Variants in ELMOD2 observed in about 807,000 individuals in gnomAD.
ELMOD2 encodes the protein ELMO domain-containing protein 2.
Under a neutral mutation model 41.0 loss-of-function variants are expected in ELMOD2, and 28 were observed. The observed-to-expected ratio is 0.68, with a 90% CI of 0.51 to 0.94. ELMOD2 has a LOEUF of 0.94. Ranked by LOEUF, ELMOD2 falls within the 40% of genes least tolerant of loss-of-function variation. ELMOD2 has a pLI of 0.00. For missense variants in ELMOD2, 333 were observed against 343.1 expected (o/e 0.97, Z 0.23); for synonymous variants, 106 against 107.2 (o/e 0.99, Z 0.07).
intron 7 of ELMOD2, 129 bp from the exon 8 acceptor site, chr4:140,543,324 T>C: frequency 1.0e-6 from 1 of 1,003,812 alleles, no homozygotes; most frequent in Non-Finnish European, 1.4e-6. Flanking sequence ...TTTCTTACCA[T>C]GTAGAGATTA....
chr4:140,541,908 GGA>G (rs1735116615), intron 6 of ELMOD2, among the ~76,000 whole-genome samples: 1 of 151,930 alleles, frequency 6.6e-6, no homozygotes, highest in Admixed American at 6.6e-5. Context: ...AATAAACCAT[GGA>G]CATTTATTTT....
In ELMOD2 at chr4:140,551,852, A is replaced by G. The variant is rs1735478331; in HGVS notation, c.*1477A>G. 6.6e-6 allele frequency: 1 copy of G among 152,050 alleles called. No individual in the cohort carries two copies. Among genetic ancestry groups the G allele is most frequent in the Non-Finnish European group, 1.5e-5 (1 of 67,924 alleles). 9.4% of individuals were successfully genotyped at this position (152,050 alleles called of 1,614,324 possible). On this transcript the variant is annotated 3_prime_UTR_variant, in exon 9 of 9. Coordinates refer to ENST00000323570, the MANE Select transcript of ELMOD2 (RefSeq NM_153702.4). Reference sequence around the variant, plus strand: ...CATATCCAATTGGAAAATAAGATGCAGTGTTGTATAGCACATACATTTAAA... The same window carrying G: ...CATATCCAATTGGAAAATAAGATGCGGTGTTGTATAGCACATACATTTAAA...
chr4:140,540,143 T>C (rs368243477), intron 5 of ELMOD2, 25 bp from the exon 6 acceptor site: 38 of 1,607,080 alleles, frequency 2.4e-5, no homozygotes, highest in Non-Finnish European at 3.1e-5. Flanking sequence ...GAAAATGTCT[T>C]AATAATGGAA....
intron 6 of ELMOD2, 40 bp downstream of exon 6, chr4:140,540,341 T>A: frequency 6.2e-7 from 1 of 1,606,444 alleles, no homozygotes; most frequent in East Asian, 2.2e-5. Context: ...CTAAATGAAA[T>A]TACATTTAAT....
intron 1 of ELMOD2, chr4:140,525,156 G>A: frequency 3.6e-6 from 1 of 279,030 alleles, no homozygotes; most frequent in Non-Finnish European, 6.7e-6. Flanking sequence ...AAACCATTCT[G>A]TTACTCTTTC....
intron 2 of ELMOD2, 25 bp from the exon 3 acceptor site, chr4:140,527,441 C>G: frequency 7.6e-7 from 1 of 1,310,396 alleles, no homozygotes; most frequent in Non-Finnish European, 1.0e-6. Context: ...GTGATAACAT[C>G]TTTTTTTTTT....
chr4:140,536,421 G>T (rs758727419), intron 4 of ELMOD2, among the ~76,000 whole-genome samples: 3 of 152,102 alleles, frequency 2.0e-5, no homozygotes, highest in Non-Finnish European at 4.4e-5. Context: ...CTGAGATGAG[G>T]AACGGTCTAG....
intron 6 of ELMOD2, among the ~76,000 whole-genome samples, chr4:140,541,903 A>G (rs1735116345): frequency 6.6e-6 from 1 of 151,978 alleles, no homozygotes; most frequent in Non-Finnish European, 1.5e-5. Context: ...ATGTAAATAA[A>G]CCATGGACAT....
rs376137768 is a variant in ELMOD2, at chr4:140,550,417, T to C, written c.*42T>C. The C allele has an allele frequency of 9.7e-5, 149 of 1,539,554 alleles. No homozygotes were observed. The African/African-American group carries it at 1.8e-3, about 18-fold the overall frequency. On this transcript the variant is annotated 3_prime_UTR_variant, in exon 9 of 9. Transcript: ENST00000323570. ...TCTATTTCTACCACATTTTGCACAT[T>C]CAACAGAATTTATATGTTGTAATAG...
chr4:140,550,359 T>G lies in ELMOD2; in HGVS notation c.866T>G (p.Leu289Arg). 6.2e-7 allele frequency: 1 copy of G among 1,604,296 alleles called. No individual in the cohort carries two copies. Among genetic ancestry groups the G allele is most frequent in the South Asian group, 1.1e-5 (1 of 88,872 alleles). ...CTTTTACTGGATTGTAATGTAGCAC[T>G]TACTTTAAAAGTATAAATCATCCAC... is the stretch of plus-strand genomic sequence containing the variant. ...KGLLLDCNVALTLKV is the reference protein window; with the variant it reads ...KGLLLDCNVARTLKV Residue 289 changes from leucine to arginine, a missense_variant, in exon 9 of 9, where the codon CTT (leucine) becomes CGT (arginine). Transcript: ENST00000323570.
intron 7 of ELMOD2, 149 bp from the exon 8 acceptor site, chr4:140,543,303 TC>T (rs1257718793): frequency 1.3e-6 from 1 of 771,086 alleles, no homozygotes; most frequent in East Asian, 3.1e-5. Context: ...TTAAATTCTT[TC>T]TAGTATATTT....
At chr4:140,530,911 AGTT>A (rs1000785508) in intron 3 of ELMOD2, among the ~76,000 whole-genome samples, 7 of 152,130 alleles carry the variant, frequency 4.6e-5, no homozygotes, top group Admixed American at 1.3e-4. Flanking sequence ...ATCAATTACC[AGTT>A]GTTTGACTGT....
Position 140,542,610 on chromosome 4 carries a change from G to A in ELMOD2, c.570G>A (p.Gln190=), listed in dbSNP as rs1412277261. The A allele has an allele frequency of 1.9e-6, 3 of 1,606,322 alleles. No individual in the cohort carries two copies. Among genetic ancestry groups the A allele is most frequent in the Non-Finnish European group, 2.6e-6 (3 of 1,175,774 alleles). ...FSENYTSEAH[Q]ILSRSNHPKL... is the part of the protein sequence containing the mutation. ...AAAATTACACTAGTGAAGCTCATCA[G>A]ATTCTTTCCCGTTCAAATCATCCAA... The change falls in exon 7 of 9, where the codon CAG becomes CAA. Residue 190 remains glutamine (Q), a synonymous_variant. Transcript: ENST00000323570.
intron 4 of ELMOD2, 133 bp downstream of exon 4, chr4:140,535,963 AGAG>A: frequency 1.3e-6 from 1 of 773,642 alleles, no homozygotes; most frequent in Non-Finnish European, 2.0e-6. Context: ...TCACTTCACA[AGAG>A]GAGCAGTTGA....
At chr4:140,529,438 T>C (rs538956949) in intron 3 of ELMOD2, among the ~76,000 whole-genome samples, 2 of 152,312 alleles carry the variant, frequency 1.3e-5, no homozygotes, top group Middle Eastern at 3.4e-3. Flanking sequence ...CTCTTTATGT[T>C]ATACCCACAA....
At chr4:140,525,804 C>T (rs190093461) in intron 2 of ELMOD2, among the ~76,000 whole-genome samples, 2 of 152,246 alleles carry the variant, frequency 1.3e-5, no homozygotes, top group Non-Finnish European at 2.9e-5. Context: ...TGAAGTTTAT[C>T]GGTTATTCCT....
chr4:140,535,984 A>G (rs905296417), intron 4 of ELMOD2, among the ~76,000 whole-genome samples, 154 bp downstream of exon 4: 2 of 152,200 alleles, frequency 1.3e-5, no homozygotes, highest in African/African-American at 4.8e-5. Context: ...TGAGATCCAG[A>G]GAGGGCAGTG....
intron 4 of ELMOD2, among the ~76,000 whole-genome samples, chr4:140,536,290 A>G (rs762370860): frequency 3.0e-4 from 45 of 152,164 alleles, no homozygotes; most frequent in Non-Finnish European, 5.4e-4. Context: ...TAAGTTCCAT[A>G]AGAAGAGGAC....
chr4:140,541,449 A>T lies in ELMOD2; in HGVS notation c.534-1125A>T, dbSNP rs578115474. ...ATTACAGATTGAATATTTTAAGAGT[A>T]GTTTGACTATTAAAATGCAATGCTG... On this transcript the variant is annotated intron_variant, in intron 6 of 8. Coordinates refer to ENST00000323570, the MANE Select transcript of ELMOD2 (RefSeq NM_153702.4). 7.2e-5 allele frequency among the ~76,000 whole-genome samples: 11 copies of T among 152,292 alleles called. No individual in the cohort carries two copies. In the South Asian group the frequency reaches 2.1e-3, roughly 29 times the overall value.
Sources: gnomAD v4.1 joint callset for allele counts (sites outside exome capture counted in the v4.1 genomes callset) on GRCh38, gnomAD v4.1.1 for gene constraint, MANE v1.5 for transcripts, NCBI Gene and HGNC (gene_info 2026-07-23, HGNC 2026-07-21) for gene names.